The following SERINC1 variants were observed in gnomAD, a reference collection of about 807,000 sequenced individuals.
SERINC1 encodes the protein serine incorporator 1, also known as tumor differentially expressed protein 2.
Under a neutral mutation model 52.9 loss-of-function variants are expected in SERINC1, and 38 were observed. That is an observed-to-expected ratio of 0.72 (90% confidence interval 0.55 to 0.94). The LOEUF (loss-of-function observed/expected upper bound fraction) is 0.94. Among genes scored for constraint, SERINC1 ranks in the 40% least tolerant of loss-of-function variants. The probability of loss-of-function intolerance (pLI) is 0.00; values close to 1 mark genes in which losing one functional copy is unlikely to be tolerated. For missense variants in SERINC1, 471 were observed against 533.9 expected (o/e 0.88, Z 1.16); for synonymous variants, 198 against 183.1 (o/e 1.08, Z -0.66).
rs1380185846 is a variant in SERINC1, at chr6:122,446,990, T to A, written c.1010A>T (p.Asn337Ile). 6.2e-7 allele frequency: 1 copy of A among 1,609,576 alleles called. No individual in the cohort carries two copies. The highest frequency in any genetic ancestry group is 8.5e-7 in the Non-Finnish European group (1 of 1,175,988). The change falls in exon 9 of 10, where the codon AAC becomes ATC. Residue 337 changes from asparagine to isoleucine, a missense_variant. Physicochemically the swap from Asn to Ile is moderately radical, Grantham distance 149 (BLOSUM62 -3). Transcript: ENST00000339697. The part of the protein sequence containing the change: ...CVFYSSIRTS[N>I]NSQVNKLTLT... Reference sequence around the variant, plus strand: ...AGTCAGTTTATTAACCTGACTATTGTTTGAAGTACGGATGCTGTATGAAAG... The same window carrying A: ...AGTCAGTTTATTAACCTGACTATTGATTGAAGTACGGATGCTGTATGAAAG...
In SERINC1 at chr6:122,451,670, C is replaced by T. The variant is rs780657462; in HGVS notation, c.844G>A (p.Glu282Lys). ...MYLTWSAMTN[E>K]PETNCNPSLL... Reference sequence around the variant, plus strand: ...TAATATAAATAAAACACACCTGGTTCATTGGTCATAGCTGACCATGTCAAA... The same window carrying T: ...TAATATAAATAAAACACACCTGGTTTATTGGTCATAGCTGACCATGTCAAA... Residue 282 changes from glutamate (E) to lysine (K), a missense_variant, in exon 7 of 10, where the codon GAA becomes AAA. By Grantham distance (56) the Glu-to-Lys change is moderately conservative. Coordinates refer to ENST00000339697, the MANE Select transcript of SERINC1 (RefSeq NM_020755.4). 2 of 1,141,748 alleles carry T rather than the reference C, an allele frequency of 1.8e-6. No homozygotes were observed. Among genetic ancestry groups the T allele is most frequent in the Non-Finnish European group, 1.2e-6 (1 of 810,662 alleles). 70.7% of individuals were successfully genotyped at this position (1,141,748 alleles called of 1,614,324 possible). A position where few individuals can be genotyped will look rare whatever the true frequency, so the allele number is the denominator to read the frequency against.
chr6:122,467,373 G>C (rs1422924980), intron 1 of SERINC1, among the ~76,000 whole-genome samples: 2 of 152,166 alleles, frequency 1.3e-5, no homozygotes, highest in Non-Finnish European at 2.9e-5. Context: ...GGGAGGCCAA[G>C]GCAGGTGGAT....
rs77598180 is a variant in SERINC1, at chr6:122,453,988, A to G, written c.452-81T>C. ...CCTTTCAAAATCACAGTACACAAAA[A>G]GGAAAATAAAATTTTATATGAACAT... is the stretch of plus-strand genomic sequence containing the variant. On this transcript the variant is annotated intron_variant, in intron 4 of 9. Transcript: ENST00000339697. The G allele has an allele frequency of 5.7e-4, 834 of 1,453,612 alleles. 3 individuals carry two copies. The African/African-American group carries it at 0.011, about 19-fold the overall frequency. The allele number at this position is 1,453,612 out of a possible 1,614,324, so 90.0% of individuals were successfully genotyped here.
chr6:122,449,915 C>T (rs576919401), intron 7 of SERINC1, among the ~76,000 whole-genome samples: 1 of 152,224 alleles, frequency 6.6e-6, no homozygotes, highest in Non-Finnish European at 1.5e-5. Flanking sequence ...ATTCAGGAGG[C>T]TGAGGCAGGA....
At position 122,443,445 on chromosome 6, in the gene SERINC1, G is replaced by A. The variant is rs1295607143; in HGVS notation, c.*1599C>T. On this transcript the variant is annotated 3_prime_UTR_variant, in exon 10 of 10. Coordinates refer to ENST00000339697, the MANE Select transcript of SERINC1 (RefSeq NM_020755.4). ...CAGAATAAGGTTGGGGAATTAAGCT[G>A]AATTGTTATATTCCATTCACATTAA... 1.3e-5 allele frequency: 2 copies of A among 152,044 alleles called. No individual in the cohort carries two copies. The highest frequency in any genetic ancestry group is 1.3e-4 in the Admixed American group (2 of 15,286). 9.4% of individuals were successfully genotyped at this position (152,044 alleles called of 1,614,324 possible). A position where few individuals can be genotyped will look rare whatever the true frequency, so the allele number is the denominator to read the frequency against.
rs199950308 is a variant in SERINC1 at position 122,453,867 on chromosome 6, G to A, written c.492C>T (p.Ile164=). Residue 164 remains isoleucine (I), a synonymous_variant, in exon 5 of 10, where the codon ATC becomes ATT. Coordinates refer to ENST00000339697, the MANE Select transcript of SERINC1 (RefSeq NM_020755.4). The part of the protein sequence containing the change: ...YVGMAGAFCF[I]LIQLVLLIDF... ...CAATAAGTAAGACTAGTTGTATGAG[G>A]ATGAAACAAAAGGCACCTGCCATGC... 16 of 1,604,692 alleles carry A rather than the reference G, an allele frequency of 1.0e-5. No individual in the cohort carries two copies. In the East Asian group the frequency reaches 3.6e-4, roughly 36 times the overall value.
intron 3 of SERINC1, among the ~76,000 whole-genome samples, chr6:122,455,116 C>A (rs561337982): frequency 6.6e-6 from 1 of 152,100 alleles, no homozygotes; most frequent in East Asian, 1.9e-4. Context: ...TGTATGATCT[C>A]AGGAGATGTA....
At chr6:122,456,919 T>A (rs958575782) in intron 2 of SERINC1, among the ~76,000 whole-genome samples, 1 of 152,200 alleles carries the variant, frequency 6.6e-6, no homozygotes, top group Non-Finnish European at 1.5e-5. Context: ...TCCTACATTT[T>A]AAAAACTTGC....
intron 3 of SERINC1, chr6:122,454,623 A>AT: frequency 5.5e-6 from 1 of 180,606 alleles, no homozygotes; most frequent in Non-Finnish European, 1.2e-5. Context: ...ATGATAAGAC[A>AT]TTTTGGGGAC....
In SERINC1 at chr6:122,445,008, A is replaced by G. The variant is rs774705946; in HGVS notation, c.*36T>C. On this transcript the variant is annotated 3_prime_UTR_variant, in exon 10 of 10. Transcript: ENST00000339697. The stretch of plus-strand genomic sequence containing the variant: ...TGGGAATACTGTTTTCAAATAAGCA[A>G]TAATCAAAGTGGGACTTTCATGCTA... 14 of 1,595,368 alleles carry G rather than the reference A, an allele frequency of 8.8e-6. No homozygotes were observed. The East Asian group carries it at 2.7e-4, about 31-fold the overall frequency.
At position 122,447,011 on chromosome 6, in the gene SERINC1, G is replaced by T. The variant is rs1480329209; in HGVS notation, c.996-7C>A. On this transcript the variant is annotated splice_polypyrimidine_tract_variant and splice_region_variant and intron_variant, in intron 8 of 9. Transcript: ENST00000339697. ...ATTGTTTGAAGTACGGATGCTGTAT[G>T]AAAGAGAGTTTAGGAGGAGAGAAAA... The T allele has an allele frequency of 5.6e-6, 9 of 1,595,960 alleles. No homozygotes were observed. Among genetic ancestry groups the T allele is most frequent in the Non-Finnish European group, 7.7e-6 (9 of 1,163,920 alleles).
rs774427914 is a variant in SERINC1, at chr6:122,471,756, G to C, written c.-19C>G. 1 of 1,614,038 alleles carries C rather than the reference G, an allele frequency of 6.2e-7. No homozygotes were observed. The highest frequency in any genetic ancestry group is 2.2e-5 in the East Asian group (1 of 44,856). On this transcript the variant is annotated 5_prime_UTR_variant, in exon 1 of 10. Coordinates refer to ENST00000339697, the MANE Select transcript of SERINC1 (RefSeq NM_020755.4). ...TCCCCATCTCCACAACGTCACAAGA[G>C]CAGCGGATACAGACAAGATGGAGAC... is the stretch of plus-strand genomic sequence containing the variant.
chr6:122,449,961 C>G (rs80213866), intron 7 of SERINC1, among the ~76,000 whole-genome samples: 6 of 152,114 alleles, frequency 3.9e-5, no homozygotes, highest in African/African-American at 1.4e-4. Context: ...TTGCAGTGAA[C>G]GGGGATTGTG....
At position 122,444,293 on chromosome 6, in the gene SERINC1, A is replaced by T. The variant is rs1458075898; in HGVS notation, c.*751T>A. The T allele has an allele frequency of 3.3e-5, 5 of 152,186 alleles. No individual in the cohort carries two copies. Among genetic ancestry groups the T allele is most frequent in the African/African-American group, 7.2e-5 (3 of 41,420 alleles). The allele number at this position is 152,186 out of a possible 1,614,324, so 9.4% of individuals were successfully genotyped here. A position where few individuals can be genotyped will look rare whatever the true frequency, so the allele number is the denominator to read the frequency against. ...TGAGCTACCGTGCTGGCCCAAAACTAACTTTCAAAGTGACTTTCAAACACT... is the reference window on the plus strand; with the variant it reads ...TGAGCTACCGTGCTGGCCCAAAACTTACTTTCAAAGTGACTTTCAAACACT... On this transcript the variant is annotated 3_prime_UTR_variant, in exon 10 of 10. Coordinates refer to ENST00000339697, the MANE Select transcript of SERINC1 (RefSeq NM_020755.4).
At chr6:122,468,890 C>A (rs1228018053) in intron 1 of SERINC1, among the ~76,000 whole-genome samples, 2 of 151,922 alleles carry the variant, frequency 1.3e-5, no homozygotes, top group African/African-American at 2.4e-5. Flanking sequence ...ATAAGGCTCA[C>A]CCATTCAAAA....
intron 2 of SERINC1, among the ~76,000 whole-genome samples, chr6:122,458,296 T>C (rs1775036539): frequency 6.6e-6 from 1 of 152,206 alleles, no homozygotes; most frequent in South Asian, 2.1e-4. Flanking sequence ...GTTAGAATTA[T>C]ACTTCTTTCT....
chr6:122,448,427 A>G (rs532709119), intron 7 of SERINC1, among the ~76,000 whole-genome samples: 1 of 152,348 alleles, frequency 6.6e-6, no homozygotes, highest in East Asian at 1.9e-4. Flanking sequence ...TTCATATAAC[A>G]TCAGATAAAT....
chr6:122,456,586 G>A lies in SERINC1; in HGVS notation c.266C>T (p.Ala89Val), dbSNP rs779370139. Residue 89 changes from alanine (A) to valine (V), a missense_variant, in exon 3 of 10, where the codon GCT (alanine) becomes GTT (valine). Transcript: ENST00000339697. ...CAAACCAAAGCACAAACGATATACA[G>A]CTTTATAGCCAACCAAAATGTTACA... ...VPCNILVGYK[A>V]VYRLCFGLAM... The A allele has an allele frequency of 3.1e-6, 5 of 1,612,050 alleles. No individual in the cohort carries two copies. The highest frequency in any genetic ancestry group is 2.7e-5 in the African/African-American group (2 of 74,810).
Position 122,454,225 on chromosome 6 carries a change from C to A in SERINC1, c.377G>T (p.Trp126Leu). 2 of 1,537,724 alleles carry A rather than the reference C, an allele frequency of 1.3e-6. No homozygotes were observed. Among genetic ancestry groups the A allele is most frequent in the South Asian group, 1.2e-5 (1 of 82,474 alleles). ...DPRAAVHNGF[W>L]FFKFAAAIAI... ...AATTGCTGCAGCAAATTTAAAGAAC[C>A]AAAATCTAAAACAAAAAGAAATATA... Residue 126 changes from tryptophan (W) to leucine (L), a missense_variant, in exon 4 of 10, where the codon TGG (tryptophan) becomes TTG (leucine). By Grantham distance (61) the Trp-to-Leu change is moderately conservative. Coordinates refer to ENST00000339697, the MANE Select transcript of SERINC1 (RefSeq NM_020755.4).
Sources: gnomAD v4.1 joint callset for allele counts (sites outside exome capture counted in the v4.1 genomes callset) on GRCh38, gnomAD v4.1.1 for gene constraint, MANE v1.5 for transcripts, NCBI Gene and HGNC (gene_info 2026-07-23, HGNC 2026-07-21) for gene names.